The following SORBS2 variants were observed in gnomAD, a reference collection of about 807,000 sequenced individuals.
SORBS2 encodes sorbin and SH3 domain-containing protein 2.
A neutral mutation model predicts 97.7 loss-of-function variants in SORBS2; 46 were observed. The ratio of observed to expected loss-of-function variants is 0.47; its 90% CI spans 0.37 to 0.60. The LOEUF is 0.60. Ranked by LOEUF, SORBS2 falls within the 20% of genes least tolerant of loss-of-function variation. The pLI, the probability that SORBS2 is intolerant of heterozygous loss-of-function variation, is 0.00. For missense variants in SORBS2, 1,316 were observed against 1,282.3 expected, an observed-to-expected ratio of 1.03 and a Z score of -0.40; for synonymous variants, 476 against 473.4, an observed-to-expected ratio of 1.01 and a Z score of -0.07.
Position 185,751,190 on chromosome 4 carries a change from A to AAAAAAAAAAAAAAAAAAAAAAAAAAGAG in SORBS2, c.-198+24036_-198+24037insCTCTTTTTTTTTTTTTTTTTTTTTTTTT. ...TAAATACTAAAAAAAAAAAAAAAAA[A>AAAAAAAAAAAAAAAAAAAAAAAAAAGAG]AGAGAAAGAGAGAGAAATTCAGGAA... On this transcript the variant is annotated intron_variant, in intron 2 of 20. Coordinates refer to the SORBS2 transcript ENST00000284776. Among the ~76,000 whole-genome samples the AAAAAAAAAAAAAAAAAAAAAAAAAAGAG allele has an allele frequency of 1.6e-4, 14 of 86,492 alleles. 2 individuals are homozygous for AAAAAAAAAAAAAAAAAAAAAAAAAAGAG. Among genetic ancestry groups the AAAAAAAAAAAAAAAAAAAAAAAAAAGAG allele is most frequent in the African/African-American group, 3.3e-4 (8 of 24,436 alleles). The allele number at this position is 86,492 out of a possible 152,430, so 56.7% of individuals were successfully genotyped here. A position where few individuals can be genotyped will look rare whatever the true frequency, so the allele number is the denominator to read the frequency against.
At chr4:185,856,698 G>T (rs1228544129) in intron 1 of SORBS2, among the ~76,000 whole-genome samples, 1 of 152,180 alleles carries the variant, frequency 6.6e-6, no homozygotes, top group Non-Finnish European at 1.5e-5. Context: ...CCTTTGGGAA[G>T]TATATTAGTT....
chr4:185,933,667 A>T (rs2099267519), intron 1 of SORBS2, among the ~76,000 whole-genome samples: 1 of 152,026 alleles, frequency 6.6e-6, no homozygotes, highest in Non-Finnish European at 1.5e-5. Flanking sequence ...TTTTATAAAC[A>T]AGGACACCAC....
At chr4:185,862,415 G>A (rs752855616) in intron 1 of SORBS2, among the ~76,000 whole-genome samples, 9 of 152,240 alleles carry the variant, frequency 5.9e-5, no homozygotes, top group Non-Finnish European at 1.3e-4. Flanking sequence ...TGAGCAAATT[G>A]CATTTATTTT....
chr4:185,588,179 CAGA>C (rs2095833002), intron 14 of SORBS2: 1 of 155,804 alleles, frequency 6.4e-6, no homozygotes. Flanking sequence ...TATCATCTTA[CAGA>C]AGATCATGGT....
At chr4:185,936,535 A>T (rs2149984790) in intron 1 of SORBS2, among the ~76,000 whole-genome samples, 1 of 152,354 alleles carries the variant, frequency 6.6e-6, no homozygotes, top group East Asian at 1.9e-4. Context: ...AGTGTGACAT[A>T]TTCAGAAATT....
At chr4:185,598,270 G>A (rs530813925) in intron 12 of SORBS2, among the ~76,000 whole-genome samples, 9 of 152,212 alleles carry the variant, frequency 5.9e-5, no homozygotes, top group African/African-American at 2.2e-4. Context: ...GGTTTTCATC[G>A]TATCCTAAAT....
chr4:185,658,415 A>T (rs76177520), upstream of SORBS2, among the ~76,000 whole-genome samples: 2 of 4,904 alleles, frequency 4.1e-4, no homozygotes, highest in South Asian at 7.8e-3. Flanking sequence ...CAGGAATTTT[A>T]AAAAAATCAT....
chr4:185,611,848 C>G, exon 12 of SORBS2: 1 of 1,614,052 alleles, frequency 6.2e-7, no homozygotes, highest in Non-Finnish European at 8.5e-7. Context: ...TCAGGGTAGT[C>G]CTCAGCACCT....
At chr4:185,589,847 T>C in intron 13 of SORBS2, 62 bp from the exon 26 acceptor site, 1 of 906,992 alleles carries the variant, frequency 1.1e-6, no homozygotes, top group Non-Finnish European at 1.8e-6. Flanking sequence ...ATATAGAAGA[T>C]AGAACAATAT....
intron 8 of SORBS2, 103 bp downstream of exon 20, chr4:185,619,960 A>G: frequency 1.3e-6 from 1 of 779,872 alleles, no homozygotes; most frequent in Non-Finnish European, 2.3e-6. Context: ...GTATTTTCAC[A>G]TTTCCTGTCC....
chr4:185,685,425 T>C (rs934302427), intron 2 of SORBS2, among the ~76,000 whole-genome samples: 1 of 152,232 alleles, frequency 6.6e-6, no homozygotes, highest in Non-Finnish European at 1.5e-5. Flanking sequence ...ACTCTTCCTG[T>C]AGTTAGTGTT....
Position 185,618,601 on chromosome 4 carries a change from TA to T in SORBS2, c.2334del (p.Phe778LeufsTer44). ...CTTACTTACTTAGATGTCTGAGCCT[TA>T]AAATCATAAACAGCTTTTGCAGGCA... is the stretch of plus-strand genomic sequence containing the variant. On this transcript the variant is annotated frameshift_variant, in exon 9 of 15. Transcript: ENST00000418609. LOFTEE classifies it high-confidence loss of function. 6.5e-7 allele frequency: 1 copy of T among 1,537,256 alleles called. No homozygotes were observed. Among genetic ancestry groups the T allele is most frequent in the Non-Finnish European group, 8.9e-7 (1 of 1,128,684 alleles).
chr4:185,776,893 C>G (rs2099002601), intron 1 of SORBS2, among the ~76,000 whole-genome samples: 4 of 122,116 alleles, frequency 3.3e-5, no homozygotes, highest in African/African-American at 1.1e-4. Flanking sequence ...GAGTGAGACT[C>G]CATCTCAAAA....
intron 2 of SORBS2, among the ~76,000 whole-genome samples, chr4:185,764,304 A>G (rs1001751134): frequency 2.0e-5 from 3 of 152,204 alleles, no homozygotes; most frequent in Non-Finnish European, 4.4e-5. Context: ...TAAAGAGGTT[A>G]AGATAATGTA....
chr4:185,682,604 C>T (rs2097887790), intron 2 of SORBS2, among the ~76,000 whole-genome samples: 1 of 152,090 alleles, frequency 6.6e-6, no homozygotes, highest in Non-Finnish European at 1.5e-5. Context: ...TTATCAATTC[C>T]CTTTTGATTC....
At chr4:185,624,604 G>A (rs2096778839) in intron 6 of SORBS2, 110 bp from the exon 19 acceptor site, 2 of 1,200,340 alleles carry the variant, frequency 1.7e-6, no homozygotes, top group African/African-American at 3.1e-5. Context: ...CAAGGAGAAA[G>A]CAGTTAGTGT....
At chr4:185,877,012 T>C (rs1018803546) in intron 1 of SORBS2, among the ~76,000 whole-genome samples, 1 of 152,230 alleles carries the variant, frequency 6.6e-6, no homozygotes, top group Non-Finnish European at 1.5e-5. Context: ...GATTTTGAAA[T>C]GCAGTTTCTC....
At chr4:185,770,695 TAA>T (rs74963013) in intron 2 of SORBS2, among the ~76,000 whole-genome samples, 2 of 149,986 alleles carry the variant, frequency 1.3e-5, no homozygotes, top group African/African-American at 4.9e-5. Flanking sequence ...AACACTGATT[TAA>T]AAAAAAAATA....
intron 1 of SORBS2, among the ~76,000 whole-genome samples, chr4:185,883,736 C>T (rs1169647368): frequency 3.3e-5 from 5 of 152,152 alleles, no homozygotes; most frequent in Non-Finnish European, 7.3e-5. Flanking sequence ...CCTGTAGTCC[C>T]AGCTACTCAG....
Sources: gnomAD v4.1 joint callset for allele counts (sites outside exome capture counted in the v4.1 genomes callset) on GRCh38, gnomAD v4.1.1 for gene constraint, MANE v1.5 for transcripts, NCBI Gene and HGNC (gene_info 2026-07-23, HGNC 2026-07-21) for gene names.